KLHL5: variants seen among roughly 807,000 people sequenced by gnomAD.
KLHL5 encodes kelch-like protein 5.
In KLHL5, 48 loss-of-function variants were observed where a neutral mutation model predicts 77.7. That is an observed-to-expected ratio of 0.62 (90% CI 0.49 to 0.79). The LOEUF (loss-of-function observed/expected upper bound fraction) is 0.79, where lower values mean the gene tolerates loss of function less well. Ranked by LOEUF, KLHL5 falls within the 30% of genes least tolerant of loss-of-function variation. The pLI, the probability that KLHL5 is intolerant of heterozygous loss-of-function variation, is 0.00. For missense variants in KLHL5, 723 were observed against 859.7 expected (o/e 0.84, Z 1.99); for synonymous variants, 260 against 297.0 (o/e 0.88, Z 1.28).
rs922159144 is a variant in KLHL5, at chr4:39,103,528, A to G, written c.1525+17A>G. 3.8e-6 allele frequency: 6 copies of G among 1,587,956 alleles called. No homozygotes were observed. In the South Asian group the frequency reaches 5.5e-5, roughly 15 times the overall value. On this transcript the variant is annotated intron_variant, in intron 7 of 10. Coordinates refer to ENST00000504108, the MANE Select transcript of KLHL5 (RefSeq NM_015990.5). ...ATGGCCTTGGTAAGTACAACTATGC[A>G]GATTCACTCAAAATATCACATAGCT...
intron 5 of KLHL5, among the ~76,000 whole-genome samples, chr4:39,095,669 T>C (rs1721000216): frequency 1.3e-5 from 2 of 151,822 alleles, no homozygotes; most frequent in Admixed American, 6.6e-5. Flanking sequence ...TTGATGTCTG[T>C]AATAAGGAAA....
At chr4:39,089,769 C>T (rs897067887) in intron 5 of KLHL5, among the ~76,000 whole-genome samples, 1 of 152,208 alleles carries the variant, frequency 6.6e-6, no homozygotes, top group South Asian at 2.1e-4. Flanking sequence ...TCACCCCACA[C>T]CTACTGAATA....
Position 39,082,177 on chromosome 4 carries a change from G to A in KLHL5, c.900+18G>A. 1.3e-6 allele frequency: 2 copies of A among 1,550,728 alleles called. No individual in the cohort carries two copies. Among genetic ancestry groups the A allele is most frequent in the Non-Finnish European group, 1.7e-6 (2 of 1,146,174 alleles). On this transcript the variant is annotated intron_variant, in intron 4 of 10. Transcript: ENST00000504108. ...ATACTATGGTATGTATTTTTTGAAG[G>A]TGAGAAAGTCGATCCTCCATATGCA...
chr4:39,125,219 A>C lies in KLHL5; in HGVS notation c.*4153A>C, dbSNP rs1723464939. Among the ~76,000 whole-genome samples the C allele has an allele frequency of 6.6e-6, 1 of 152,164 alleles. No homozygotes were observed. Among genetic ancestry groups the C allele is most frequent in the South Asian group, 2.1e-4 (1 of 4,832 alleles). On this transcript the variant is annotated 3_prime_UTR_variant, in exon 11 of 11. Transcript: ENST00000504108. ...GTTAGAGAGGATGTGGAGAAATTGA[A>C]AACCTTCATTCGTTGTTGGTGGGAA...
chr4:39,064,915 C>T (rs1481112063), intron 1 of KLHL5, among the ~76,000 whole-genome samples: 2 of 151,778 alleles, frequency 1.3e-5, no homozygotes, highest in Non-Finnish European at 2.9e-5. Context: ...CTCAAGAAGA[C>T]TCATCAAAGT....
At chr4:39,118,300 T>C (rs1186352665) in intron 10 of KLHL5, among the ~76,000 whole-genome samples, 4 of 151,322 alleles carry the variant, frequency 2.6e-5, no homozygotes, top group Non-Finnish European at 5.9e-5. Context: ...CAAGGCCACA[T>C]AGCAAATAAA....
chr4:39,075,347 AAAG>A lies in KLHL5; in HGVS notation c.384-615_384-613del, dbSNP rs1263551830. Among the ~76,000 whole-genome samples, 14 of 152,016 alleles carry A rather than the reference AAAG, an allele frequency of 9.2e-5. 1 individual carries two copies. Among genetic ancestry groups the A allele is most frequent in the African/African-American group, 2.7e-4 (11 of 41,400 alleles). On this transcript the variant is annotated intron_variant, in intron 1 of 10. Transcript: ENST00000504108. ...ATTCCGTCTCAAACAAAAAAAAAAA[AAAG>A]AAAGAAATCAGAATGCCTACTCTTC...
the KLHL5 span, among the ~76,000 whole-genome samples, chr4:39,133,117 G>A: frequency 6.6e-6 from 1 of 151,894 alleles, no homozygotes; most frequent in Non-Finnish European, 1.5e-5. Context: ...ATTCTCTCTT[G>A]TTAGTAATAA....
At chr4:39,088,839 C>A (rs1466405269) in intron 5 of KLHL5, among the ~76,000 whole-genome samples, 4 of 151,932 alleles carry the variant, frequency 2.6e-5, no homozygotes, top group Admixed American at 2.0e-4. Context: ...AAGTCATGAG[C>A]AAATATATTG....
the KLHL5 span, among the ~76,000 whole-genome samples, chr4:39,142,389 T>C: frequency 1.3e-5 from 2 of 149,356 alleles, no homozygotes; most frequent in East Asian, 3.9e-4. Flanking sequence ...AGCAAAACTC[T>C]GTCTCAAAAA....
chr4:39,096,571 T>C, intron 5 of KLHL5, 121 bp from the exon 6 acceptor site: 1 of 636,984 alleles, frequency 1.6e-6, no homozygotes. Context: ...GTTAAAAATA[T>C]GTGCCTATGC....
chr4:39,115,555 A>G, intron 10 of KLHL5: 1 of 1,453,786 alleles, frequency 6.9e-7, no homozygotes, highest in East Asian at 2.5e-5. Flanking sequence ...GAAATTATTA[A>G]TTATCTGCTA....
intron 2 of KLHL5, among the ~76,000 whole-genome samples, chr4:39,077,193 T>A (rs1302485490): frequency 6.6e-6 from 1 of 152,050 alleles, no homozygotes; most frequent in Admixed American, 6.6e-5. Context: ...GCGCGGTGGC[T>A]CATGCCTGTA....
chr4:39,136,669 C>T, the KLHL5 span, among the ~76,000 whole-genome samples: 1 of 152,156 alleles, frequency 6.6e-6, no homozygotes, highest in East Asian at 1.9e-4. Flanking sequence ...GGCAGCCTGG[C>T]CCGGACTGTC....
chr4:39,117,282 G>C (rs1722910359), intron 10 of KLHL5, among the ~76,000 whole-genome samples: 1 of 152,084 alleles, frequency 6.6e-6, no homozygotes, highest in African/African-American at 2.4e-5. Context: ...CTGGACAACA[G>C]AGCAAGACTC....
chr4:39,103,268 T>A lies in KLHL5; in HGVS notation c.1301-19T>A. On this transcript the variant is annotated intron_variant, in intron 6 of 10. Coordinates refer to ENST00000504108, the MANE Select transcript of KLHL5 (RefSeq NM_015990.5). ...TGGTATAATTTCTATTTACATAACT[T>A]CTATATATTACTATGAAGGAGCAAC... The A allele has an allele frequency of 6.4e-7, 1 of 1,557,316 alleles. No homozygotes were observed. The highest frequency in any genetic ancestry group is 1.4e-5 in the African/African-American group (1 of 73,002).
At chr4:39,092,751 G>A (rs142600214) in intron 5 of KLHL5, among the ~76,000 whole-genome samples, 165 of 152,034 alleles carry the variant, frequency 1.1e-3, no homozygotes, top group African/African-American at 3.6e-3. Flanking sequence ...TTCTCTCTTC[G>A]TCTATAAAAA....
chr4:39,143,036 TACAC>T, the KLHL5 span, among the ~76,000 whole-genome samples: 21 of 149,870 alleles, frequency 1.4e-4, no homozygotes, highest in Admixed American at 3.3e-4. Flanking sequence ...TGTATAAAGT[TACAC>T]ACACACACAC....
In KLHL5 at chr4:39,121,311, A is replaced by G. The variant is rs1723195535; in HGVS notation, c.*245A>G. 2 of 525,316 alleles carry G rather than the reference A, an allele frequency of 3.8e-6. No homozygotes were observed. Among genetic ancestry groups the G allele is most frequent in the South Asian group, 4.5e-5 (2 of 44,874 alleles). 32.5% of individuals were successfully genotyped at this position (525,316 alleles called of 1,614,324 possible). A position where few individuals can be genotyped will look rare whatever the true frequency, so the allele number is the denominator to read the frequency against. Reference sequence around the variant, plus strand: ...ATTGTGATCACACATTCCCGAAGTAATAAGTGAGGACGAATGCACTGCTCT... The same window carrying G: ...ATTGTGATCACACATTCCCGAAGTAGTAAGTGAGGACGAATGCACTGCTCT... On this transcript the variant is annotated 3_prime_UTR_variant, in exon 11 of 11. Coordinates refer to ENST00000504108, the MANE Select transcript of KLHL5 (RefSeq NM_015990.5).
Sources: allele counts gnomAD v4.1 joint callset (sites outside exome capture counted in the v4.1 genomes callset), GRCh38; gene constraint gnomAD v4.1.1; transcripts MANE v1.5; gene names NCBI Gene and HGNC (gene_info 2026-07-23, HGNC 2026-07-21).